Variants in CSMD1 observed in about 807,000 individuals in gnomAD.
CSMD1 encodes the protein CUB and Sushi multiple domains 1.
Under a neutral mutation model 417.5 loss-of-function variants are expected in CSMD1, and 213 were observed. That is an observed-to-expected ratio of 0.51 (90% CI 0.46 to 0.57). CSMD1 has a LOEUF of 0.57. CSMD1 is among the 20% of genes least tolerant of loss of function. CSMD1 has a pLI of 0.00. For missense variants in CSMD1, 6,923 were observed against 4,529.7 expected (o/e 1.53, Z -15.17); for synonymous variants, 2,862 against 1,736.8 (o/e 1.65, Z -16.11).
chr8:4,484,606 C>G (rs547025955), intron 2 of CSMD1, among the ~76,000 whole-genome samples: 7 of 152,018 alleles, frequency 4.6e-5, no homozygotes, highest in Non-Finnish European at 7.4e-5. Flanking sequence ...GGAGGGCTGA[C>G]GTGACCTGCT....
intron 11 of CSMD1, among the ~76,000 whole-genome samples, chr8:3,478,725 A>C (rs1817566828): frequency 6.6e-6 from 1 of 152,122 alleles, no homozygotes; most frequent in Non-Finnish European, 1.5e-5. Flanking sequence ...CAGCAAATAA[A>C]ATGGATGTAA....
intron 5 of CSMD1, among the ~76,000 whole-genome samples, chr8:3,778,216 G>A (rs575348319): frequency 3.3e-5 from 5 of 152,166 alleles, no homozygotes; most frequent in East Asian, 1.9e-4. Context: ...TTGTCCTTTA[G>A]AGGTCTGTGG....
chr8:3,548,883 G>A (rs942080654), intron 10 of CSMD1, among the ~76,000 whole-genome samples: 3 of 151,994 alleles, frequency 2.0e-5, no homozygotes, highest in East Asian at 1.9e-4. Context: ...TCCCTACCCC[G>A]AGTCCACATC....
At chr8:3,911,663 T>C in intron 5 of CSMD1, among the ~76,000 whole-genome samples, 1 of 152,140 alleles carries the variant, frequency 6.6e-6, no homozygotes, top group East Asian at 1.9e-4. Flanking sequence ...CTCTTTCACA[T>C]GTCATTGCTT....
intron 33 of CSMD1, among the ~76,000 whole-genome samples, chr8:3,198,981 A>G (rs1334317588): frequency 6.6e-6 from 1 of 152,212 alleles, no homozygotes; most frequent in African/African-American, 2.4e-5. Flanking sequence ...TTTCTTCCAG[A>G]TCTCAACCTT....
chr8:3,523,588 CAT>C (rs1797605988), intron 10 of CSMD1, among the ~76,000 whole-genome samples: 1 of 152,074 alleles, frequency 6.6e-6, no homozygotes, highest in Admixed American at 6.5e-5. Flanking sequence ...TACACACAGA[CAT>C]ATGCACACAT....
At chr8:3,967,850 G>C (rs575511956) in intron 5 of CSMD1, among the ~76,000 whole-genome samples, 7 of 152,010 alleles carry the variant, frequency 4.6e-5, no homozygotes, top group African/African-American at 4.8e-5. Context: ...TATGATGACA[G>C]CATTTCCCTT....
At chr8:4,300,855 G>C (rs959568444) in intron 3 of CSMD1, among the ~76,000 whole-genome samples, 3 of 152,152 alleles carry the variant, frequency 2.0e-5, no homozygotes, top group Non-Finnish European at 2.9e-5. Context: ...CCCTACAAAG[G>C]ACATGAACTC....
chr8:3,276,554 T>G (rs1802307180), intron 26 of CSMD1, among the ~76,000 whole-genome samples: 2 of 152,314 alleles, frequency 1.3e-5, no homozygotes, highest in East Asian at 1.9e-4. Context: ...CCTGCTCCCA[T>G]GATTCGATTA....
chr8:3,981,168 G>C (rs894739205), intron 5 of CSMD1, among the ~76,000 whole-genome samples: 4 of 152,182 alleles, frequency 2.6e-5, no homozygotes, highest in African/African-American at 7.2e-5. Context: ...ATGTACAAGA[G>C]ACTCCAAGAA....
At chr8:3,082,774 A>G (rs1459338775) in intron 49 of CSMD1, among the ~76,000 whole-genome samples, 1 of 152,178 alleles carries the variant, frequency 6.6e-6, no homozygotes, top group Admixed American at 6.5e-5. Context: ...TACAAAAGAT[A>G]CCCTCTCCAT....
intron 12 of CSMD1, among the ~76,000 whole-genome samples, chr8:3,446,945 G>T (rs75371041): frequency 6.6e-6 from 1 of 152,218 alleles, no homozygotes; most frequent in Non-Finnish European, 1.5e-5. Flanking sequence ...TTAGCATGTT[G>T]TCTGCTCACA....
At chr8:4,853,092 G>T (rs2116839815) in intron 1 of CSMD1, among the ~76,000 whole-genome samples, 1 of 152,296 alleles carries the variant, frequency 6.6e-6, no homozygotes, top group East Asian at 1.9e-4. Flanking sequence ...CTACCCATGT[G>T]GTAGAAAAGA....
rs1312555945 is a variant in CSMD1, at chr8:4,364,641, G to A, written c.415+55312C>T. Reference sequence around the variant, plus strand: ...AGATCGAGACCATCCCGGCTAAAACGGTGAAACCCCGTCTCTACTAAAAAT... The same window carrying A: ...AGATCGAGACCATCCCGGCTAAAACAGTGAAACCCCGTCTCTACTAAAAAT... On this transcript the variant is annotated intron_variant, in intron 3 of 69. Transcript: ENST00000635120. Among the ~76,000 whole-genome samples the A allele has an allele frequency of 1.7e-4, 4 of 24,052 alleles. 1 individual carries two copies. The highest frequency in any genetic ancestry group is 1.0e-3 in the East Asian group (1 of 976). The allele number at this position is 24,052 out of a possible 152,430, so 15.8% of individuals were successfully genotyped here.
intron 6 of CSMD1, among the ~76,000 whole-genome samples, chr8:3,721,351 G>T (rs969392083): frequency 6.6e-6 from 1 of 152,020 alleles, no homozygotes; most frequent in Non-Finnish European, 1.5e-5. Context: ...TACTAGTGAC[G>T]GCAGATGAAA....
At chr8:3,643,347 T>C (rs1323574926) in intron 7 of CSMD1, among the ~76,000 whole-genome samples, 1 of 151,890 alleles carries the variant, frequency 6.6e-6, no homozygotes, top group South Asian at 2.1e-4. Flanking sequence ...GCAGAATCAC[T>C]GAAGAAATGG....
intron 47 of CSMD1, among the ~76,000 whole-genome samples, chr8:3,092,758 T>C (rs1330953270): frequency 6.6e-6 from 1 of 152,164 alleles, no homozygotes; most frequent in African/African-American, 2.4e-5. Context: ...TCAGGAGAAA[T>C]TGCTTCATGG....
intron 3 of CSMD1, among the ~76,000 whole-genome samples, chr8:4,071,419 ATATT>A (rs1198043586): frequency 6.6e-6 from 1 of 152,104 alleles, no homozygotes; most frequent in African/African-American, 2.4e-5. Flanking sequence ...TGTAGTTTAG[ATATT>A]TAATTATTCA....
At chr8:2,997,910 A>T in intron 54 of CSMD1, 101 bp downstream of exon 54, 2 of 1,139,794 alleles carry the variant, frequency 1.8e-6, no homozygotes, top group Non-Finnish European at 2.4e-6. Flanking sequence ...AGAACTCTTT[A>T]TGCATTACCC....
Sources: gnomAD v4.1 joint callset for allele counts (sites outside exome capture counted in the v4.1 genomes callset) on GRCh38, gnomAD v4.1.1 for gene constraint, MANE v1.5 for transcripts, NCBI Gene and HGNC (gene_info 2026-07-23, HGNC 2026-07-21) for gene names.